Variants in ZEB1 observed in about 807,000 individuals in gnomAD.
ZEB1 encodes zinc finger E-box-binding homeobox 1.
A neutral mutation model predicts 84.9 loss-of-function variants in ZEB1; 21 were observed. That is an observed-to-expected ratio of 0.25 (90% CI 0.18 to 0.36). The LOEUF is 0.36. ZEB1 is among the 10% of genes least tolerant of loss of function. The pLI, the probability that ZEB1 is intolerant of heterozygous loss-of-function variation, is 1.00. For synonymous variants in ZEB1, 420 were observed against 471.1 expected (o/e 0.89, Z 1.41); for missense variants, 1,104 against 1,330.2 (o/e 0.83, Z 2.65).
At chr10:31,418,331 G>T (rs2055562388) in intron 1 of ZEB1, among the ~76,000 whole-genome samples, 2 of 151,952 alleles carry the variant, frequency 1.3e-5, no homozygotes, top group Admixed American at 6.6e-5. Context: ...ACACCAAGGG[G>T]AGTTGGAAGA....
At chr10:31,405,549 G>C (rs193279421) in intron 1 of ZEB1, among the ~76,000 whole-genome samples, 15 of 151,982 alleles carry the variant, frequency 9.9e-5, no homozygotes, top group Admixed American at 2.6e-4. Flanking sequence ...CCTTTATAGT[G>C]CTTGTAAACT....
chr10:31,346,837 C>T (rs1387924219), intron 1 of ZEB1, among the ~76,000 whole-genome samples: 1 of 152,040 alleles, frequency 6.6e-6, no homozygotes, highest in Admixed American at 6.6e-5. Context: ...AGTCAGTTAT[C>T]GTCTTCAGAC....
intron 2 of ZEB1, among the ~76,000 whole-genome samples, chr10:31,472,465 G>T (rs1304791890): frequency 6.6e-6 from 1 of 151,942 alleles, no homozygotes; most frequent in African/African-American, 2.4e-5. Flanking sequence ...TAGAAGAAAT[G>T]GATACATTCC....
intron 1 of ZEB1, among the ~76,000 whole-genome samples, chr10:31,452,190 A>G (rs1028097849): frequency 3.3e-5 from 5 of 152,160 alleles, no homozygotes; most frequent in African/African-American, 9.6e-5. Context: ...CTAAAATCTA[A>G]CATGTTCATG....
In ZEB1 at chr10:31,521,909, G is replaced by C. The variant is rs554201038; in HGVS notation, c.2577G>C (p.Leu859Phe). 2.5e-6 allele frequency: 4 copies of C among 1,613,992 alleles called. No individual in the cohort carries two copies. Among genetic ancestry groups the C allele is most frequent in the South Asian group, 2.2e-5 (2 of 91,076 alleles). The change falls in exon 7 of 9, where the codon TTG becomes TTC. Residue 859 changes from leucine (L) to phenylalanine (F), a missense_variant. Leu to Phe is a conservative substitution (Grantham distance 22). This residue lies in a region of ZEB1 where 531 missense variants were observed against 575.2 expected (regional missense o/e 0.92). Transcript: ENST00000424869. The part of the protein sequence containing the change: ...TVSPAVQEPP[L>F]KVIQPNGNQD... ...GCCCTGCAGTCCAAGAACCACCCTT[G>C]AAAGTGATCCAGCCAAATGGAAATC...
At chr10:31,451,424 AT>A (rs1258907332) in intron 1 of ZEB1, among the ~76,000 whole-genome samples, 1 of 151,910 alleles carries the variant, frequency 6.6e-6, no homozygotes, top group Non-Finnish European at 1.5e-5. Flanking sequence ...TGGCTTCTCT[AT>A]TTTTTGACTA....
chr10:31,482,055 A>G (rs2065114870), intron 2 of ZEB1, among the ~76,000 whole-genome samples: 1 of 152,116 alleles, frequency 6.6e-6, no homozygotes, highest in African/African-American at 2.4e-5. Context: ...AAGATAATTA[A>G]TAATTGCTAA....
chr10:31,415,531 AT>A (rs1176653001), intron 1 of ZEB1, among the ~76,000 whole-genome samples: 1 of 151,334 alleles, frequency 6.6e-6, no homozygotes. Context: ...AAAAATTATA[AT>A]TTAAAAAAAA....
rs568616365 is a variant in ZEB1, at chr10:31,464,483, T to G, written c.259+3246T>G. 1.4e-4 allele frequency among the ~76,000 whole-genome samples: 21 copies of G among 152,260 alleles called. No homozygotes were observed. The South Asian group carries it at 3.1e-3, about 23-fold the overall frequency. On this transcript the variant is annotated intron_variant, in intron 2 of 8. Coordinates refer to ENST00000424869, the MANE Select transcript of ZEB1 (RefSeq NM_001174096.2). Reference sequence around the variant, plus strand: ...AAGAAATAATGGCTGAGGTTTTTATTTATAATCAGTGAAAAACACCATACT... The same window carrying G: ...AAGAAATAATGGCTGAGGTTTTTATGTATAATCAGTGAAAAACACCATACT...
chr10:31,386,309 T>G (rs920171632), intron 1 of ZEB1, among the ~76,000 whole-genome samples: 2 of 151,788 alleles, frequency 1.3e-5, no homozygotes, highest in African/African-American at 2.4e-5. Flanking sequence ...CATTAATATT[T>G]TAGGATATGG....
intron 1 of ZEB1, among the ~76,000 whole-genome samples, chr10:31,379,165 A>G (rs2047197555): frequency 6.6e-6 from 1 of 152,070 alleles, no homozygotes; most frequent in Non-Finnish European, 1.5e-5. Context: ...CATTTGAATC[A>G]TGAGATAATT....
chr10:31,357,334 CAATGAA>C (rs2042283106), intron 1 of ZEB1, among the ~76,000 whole-genome samples: 1 of 152,064 alleles, frequency 6.6e-6, no homozygotes, highest in Non-Finnish European at 1.5e-5. Context: ...CGTAGAGAAC[CAATGAA>C]CTGTAGATGA....
chr10:31,339,124 C>T (rs557437703), intron 1 of ZEB1, among the ~76,000 whole-genome samples: 1 of 152,230 alleles, frequency 6.6e-6, no homozygotes, highest in African/African-American at 2.4e-5. Flanking sequence ...CCATTTAGAG[C>T]ATTTACTGTA....
At chr10:31,464,552 C>T (rs756114901) in intron 2 of ZEB1, among the ~76,000 whole-genome samples, 1 of 151,964 alleles carries the variant, frequency 6.6e-6, no homozygotes, top group Non-Finnish European at 1.5e-5. Context: ...CTGTAAAGAT[C>T]AAAGAAGTCC....
intron 1 of ZEB1, 107 bp from the exon 2 acceptor site, chr10:31,460,930 A>G (rs1429183602): frequency 1.3e-5 from 12 of 908,796 alleles, no homozygotes; most frequent in Non-Finnish European, 2.1e-5. Context: ...TTAAAAGAAA[A>G]CATTGAATTA....
At chr10:31,474,969 T>C (rs1339226456) in intron 2 of ZEB1, among the ~76,000 whole-genome samples, 7 of 148,750 alleles carry the variant, frequency 4.7e-5, no homozygotes, top group Admixed American at 1.4e-4. Flanking sequence ...GAACAAAAAA[T>C]CAAACACCGC....
chr10:31,459,545 A>C (rs984874739), intron 1 of ZEB1, among the ~76,000 whole-genome samples: 1 of 152,110 alleles, frequency 6.6e-6, no homozygotes, highest in Non-Finnish European at 1.5e-5. Flanking sequence ...TACATGCATT[A>C]CTTTTATAAT....
At chr10:31,424,248 T>G (rs1361179492) in intron 1 of ZEB1, among the ~76,000 whole-genome samples, 1 of 152,050 alleles carries the variant, frequency 6.6e-6, no homozygotes. Flanking sequence ...AATTTTTTTT[T>G]GCAGACTAGT....
chr10:31,409,713 A>T (rs2053866675), intron 1 of ZEB1, among the ~76,000 whole-genome samples: 1 of 152,172 alleles, frequency 6.6e-6, no homozygotes, highest in South Asian at 2.1e-4. Flanking sequence ...GTTCTCCTTG[A>T]AGAGGTCCTT....
Sources: allele counts gnomAD v4.1 joint callset (sites outside exome capture counted in the v4.1 genomes callset), GRCh38; gene constraint gnomAD v4.1.1; regional missense constraint gnomAD v4.1.1; transcripts MANE v1.5; gene names NCBI Gene and HGNC (gene_info 2026-07-23, HGNC 2026-07-21).